Variants in PRAMEF11 observed in about 807,000 individuals in gnomAD.
PRAMEF11 encodes the protein PRAME family member 11.
Under a neutral mutation model 33.6 loss-of-function variants are expected in PRAMEF11, and 17 were observed. That is an observed-to-expected ratio of 0.51 (90% CI 0.35 to 0.76). The LOEUF (loss-of-function observed/expected upper bound fraction) is 0.76, where lower values mean the gene tolerates loss of function less well. Ranked by LOEUF, PRAMEF11 falls within the 30% of genes least tolerant of loss-of-function variation. PRAMEF11 has a pLI of 0.01. For synonymous variants in PRAMEF11, 205 were observed against 227.3 expected, an observed-to-expected ratio of 0.90 and a Z score of 0.88; for missense variants, 568 against 567.0, an observed-to-expected ratio of 1.00 and a Z score of -0.02.
rs1277237702 is a variant in PRAMEF11, at chr1:12,831,405, C to T, written c.-66G>A. The T allele has an allele frequency of 1.3e-5, 2 of 151,008 alleles. 1 individual carries two copies. Among genetic ancestry groups the T allele is most frequent in the Non-Finnish European group, 3.0e-5 (2 of 67,746 alleles). The allele number at this position is 151,008 out of a possible 1,614,324, so 9.4% of individuals were successfully genotyped here. ...TGCTCAGACCTCAGGAAGAACCAAG[C>T]AGGAACTCCAGGCTTGAAGACTTTG... On this transcript the variant is annotated 5_prime_UTR_variant, in exon 1 of 4. Coordinates refer to ENST00000619922, the MANE Select transcript of PRAMEF11 (RefSeq NM_001146344.3).
At position 12,827,388 on chromosome 1, in the gene PRAMEF11, C is replaced by A. The variant is rs1395247598; in HGVS notation, c.736G>T (p.Val246Phe). The change falls in exon 3 of 4, where the codon GTC becomes TTC. Residue 246 changes from valine (V) to phenylalanine (F), a missense_variant. Coordinates refer to ENST00000619922, the MANE Select transcript of PRAMEF11 (RefSeq NM_001146344.3). ...LQKLVLSHMDVSRYVSPEQKK... is the reference protein window; with the variant it reads ...LQKLVLSHMDFSRYVSPEQKK... ...TGCTCTGGGGAAACGTAGCGAGAGACATCCATGTGGGAGAGAACGAGCTTC... is the reference window on the plus strand; with the variant it reads ...TGCTCTGGGGAAACGTAGCGAGAGAAATCCATGTGGGAGAGAACGAGCTTC... The A allele has an allele frequency of 1.0e-5, 16 of 1,604,620 alleles. No individual in the cohort carries two copies. Among genetic ancestry groups the A allele is most frequent in the Non-Finnish European group, 1.3e-5 (15 of 1,178,084 alleles).
intron 2 of PRAMEF11, among the ~76,000 whole-genome samples, 181 bp from the exon 3 acceptor site, chr1:12,828,011 A>C (rs925089571): frequency 7.4e-5 from 11 of 149,482 alleles, no homozygotes; most frequent in African/African-American, 2.0e-4. Context: ...TTTGAGACCA[A>C]GTCTCCTTCT....
chr1:12,828,340 G>A (rs1020324651), intron 2 of PRAMEF11, among the ~76,000 whole-genome samples, 157 bp downstream of exon 2: 3 of 148,738 alleles, frequency 2.0e-5, no homozygotes, highest in African/African-American at 7.5e-5. Context: ...ACCTTGCCTG[G>A]TGAGCAGTGC....
rs556812527 is a variant in PRAMEF11, at chr1:12,830,498, C to A, written c.-17+858G>T. Among the ~76,000 whole-genome samples, 152 of 151,280 alleles carry A rather than the reference C, an allele frequency of 1.0e-3. 7 individuals are homozygous for A. The South Asian group carries it at 0.032, about 31-fold the overall frequency. ...GATGTGATTGGTTTAAAATTAAGGT[C>A]AAAGATCCTTTTTGATTGATTTTGT... is the stretch of plus-strand genomic sequence containing the variant. On this transcript the variant is annotated intron_variant, in intron 1 of 3. Transcript: ENST00000619922.
In PRAMEF11 at chr1:12,825,234, A is replaced by G. The variant is rs766692906; in HGVS notation, c.1145T>C (p.Leu382Pro). Residue 382 changes from leucine to proline, a missense_variant, in exon 4 of 4, where the codon CTC becomes CCC. By Grantham distance (98) the Leu-to-Pro change is moderately conservative (BLOSUM62 -3). Around this residue, in one of 3 missense-constraint regions of PRAMEF11, gnomAD observed 174 missense variants for 127.2 expected, o/e 1.37. Transcript: ENST00000619922. ...ILPALSRCFE[L>P]NTFSFCGNPI... is the part of the protein sequence containing the mutation. ...ATTTCCACAGAAGCTGAAGGTGTTG[A>G]GCTCAAAGCAGCGGCTCAGGGCAGG... The G allele has an allele frequency of 3.7e-6, 6 of 1,606,710 alleles. No individual in the cohort carries two copies. The African/African-American group carries it at 8.1e-5, about 22-fold the overall frequency.
intron 3 of PRAMEF11, among the ~76,000 whole-genome samples, chr1:12,826,916 G>A (rs1195876161): frequency 3.0e-4 from 45 of 148,782 alleles, no homozygotes; most frequent in Middle Eastern, 3.5e-3. Flanking sequence ...ATGAGCCAAC[G>A]CCCCTGGCCT....
Position 12,825,030 on chromosome 1 carries a change from G to A in PRAMEF11, c.1349C>T (p.Pro450Leu), listed in dbSNP as rs2100336236. Residue 450 changes from proline to leucine, a missense_variant, in exon 4 of 4, where the codon CCC becomes CTC. Coordinates refer to ENST00000619922, the MANE Select transcript of PRAMEF11 (RefSeq NM_001146344.3). ...LMKKVRHLRH[P>L]KRILFCTDNC... is the part of the protein sequence containing the mutation. ...GTCAGTACAGAACAAGATCCTCTTG[G>A]GGTGCCTTAAGTGCCTCACTTTCTT... 9 of 1,609,660 alleles carry A rather than the reference G, an allele frequency of 5.6e-6. No homozygotes were observed. Among genetic ancestry groups the A allele is most frequent in the Non-Finnish European group, 7.6e-6 (9 of 1,177,718 alleles).
rs75163972 is a variant in PRAMEF11 at position 12,828,380 on chromosome 1, T to G, written c.293+117A>C. 1,283 of 1,425,484 alleles carry G rather than the reference T, an allele frequency of 9.0e-4. 16 individuals carry two copies. In the African/African-American group the frequency reaches 0.01, roughly 11 times the overall value. 88.3% of individuals were successfully genotyped at this position (1,425,484 alleles called of 1,614,324 possible). A position where few individuals can be genotyped will look rare whatever the true frequency, so the allele number is the denominator to read the frequency against. ...CCTGAGGAGCTGGTGAATGGCCAAGTCCTCTCGGCTTCCTCACCACCACCA... is the reference window on the plus strand; with the variant it reads ...CCTGAGGAGCTGGTGAATGGCCAAGGCCTCTCGGCTTCCTCACCACCACCA... On this transcript the variant is annotated intron_variant, in intron 2 of 3. Coordinates refer to ENST00000619922, the MANE Select transcript of PRAMEF11 (RefSeq NM_001146344.3).
At chr1:12,825,762 T>C (rs537939537) in intron 3 of PRAMEF11, among the ~76,000 whole-genome samples, 2 of 149,758 alleles carry the variant, frequency 1.3e-5, no homozygotes, top group African/African-American at 4.9e-5. Flanking sequence ...TTCCTTGAGA[T>C]CAGGAGTTTG....
In PRAMEF11 at chr1:12,827,459, A is replaced by G. The variant is rs751376449; in HGVS notation, c.665T>C (p.Ile222Thr). ...VEVNCKWILP[I>T]LTQFTPYLGH... ...CAGGTATGGGGTAAACTGTGTCAGG[A>G]TGGGCAGTATCCACTTGCAATTCAC... is the stretch of plus-strand genomic sequence containing the variant. The change falls in exon 3 of 4, where the codon ATC (isoleucine) becomes ACC (threonine). Residue 222 changes from isoleucine (I) to threonine (T), a missense_variant. Ile to Thr is a moderately conservative substitution (Grantham distance 89). Transcript: ENST00000619922. 5.0e-6 allele frequency: 8 copies of G among 1,610,764 alleles called. No homozygotes were observed. In the South Asian group the frequency reaches 8.8e-5, roughly 18 times the overall value.
Position 12,827,823 on chromosome 1 carries a change from T to C in PRAMEF11, c.301A>G (p.Lys101Glu). 1.2e-6 allele frequency: 2 copies of C among 1,607,186 alleles called. No individual in the cohort carries two copies. The highest frequency in any genetic ancestry group is 2.2e-5 in the South Asian group (2 of 90,446). ...LTQGVRPRRW[K>E]LQVLDLQDVC... ...TCCTGTAAATCCAGCACTTGAAGTTTCCATCTCCTGTGGGAAAATAGAGGT... is the reference window on the plus strand; with the variant it reads ...TCCTGTAAATCCAGCACTTGAAGTTCCCATCTCCTGTGGGAAAATAGAGGT... The change falls in exon 3 of 4, where the codon AAA becomes GAA. Residue 101 changes from lysine to glutamate, a missense_variant. By Grantham distance (56) the Lys-to-Glu change is moderately conservative. Coordinates refer to ENST00000619922, the MANE Select transcript of PRAMEF11 (RefSeq NM_001146344.3).
intron 2 of PRAMEF11, 102 bp downstream of exon 2, chr1:12,828,395 C>T (rs1639923779): frequency 2.1e-6 from 3 of 1,426,276 alleles, no homozygotes; most frequent in East Asian, 2.4e-5. Flanking sequence ...TCGGCTTCCT[C>T]ACCACCACCA....
Position 12,829,683 on chromosome 1 carries a change from T to G in PRAMEF11, c.-16-878A>C, listed in dbSNP as rs1639966495. 2.6e-5 allele frequency among the ~76,000 whole-genome samples: 4 copies of G among 151,272 alleles called. No homozygotes were observed. In the Admixed American group the frequency reaches 2.7e-4, roughly 10 times the overall value. The stretch of plus-strand genomic sequence containing the variant: ...TCTTGGCCTCCCAACATAGTGGGAT[T>G]ATAGGTGTGAGCCTCCGCCCCAGCC... On this transcript the variant is annotated intron_variant, in intron 1 of 3. Coordinates refer to ENST00000619922, the MANE Select transcript of PRAMEF11 (RefSeq NM_001146344.3).
chr1:12,830,407 C>T (rs111627587), intron 1 of PRAMEF11, among the ~76,000 whole-genome samples: 3 of 151,372 alleles, frequency 2.0e-5, no homozygotes, highest in Non-Finnish European at 4.4e-5. Flanking sequence ...CATGCTTCAG[C>T]CTTCCACGTA....
At chr1:12,828,391 T>C (rs1240562572) in intron 2 of PRAMEF11, 106 bp downstream of exon 2, 1 of 1,426,608 alleles carries the variant, frequency 7.0e-7, no homozygotes, top group African/African-American at 1.5e-5. Context: ...CCTCTCGGCT[T>C]CCTCACCACC....
Position 12,825,149 on chromosome 1 carries a change from T to C in PRAMEF11, c.1230A>G (p.Leu410=), listed in dbSNP as rs1402373974. Residue 410 remains leucine (L), a synonymous_variant, in exon 4 of 4, where the codon TTA becomes TTG. Transcript: ENST00000619922. ...LLSHTIILKN[L]CLELYPAPQE... ...GCGGGGCAGGATACAGCTCCAGGCA[T>C]AAGTTTTTGAGTATGATTGTGTGGC... 6.2e-7 allele frequency: 1 copy of C among 1,609,068 alleles called. No individual in the cohort carries two copies. The highest frequency in any genetic ancestry group is 1.1e-5 in the South Asian group (1 of 90,444).
In PRAMEF11 at chr1:12,827,394, T is replaced by C. The variant is rs372493779; in HGVS notation, c.730A>G (p.Met244Val). 464 of 1,600,668 alleles carry C rather than the reference T, an allele frequency of 2.9e-4. 56 individuals carry two copies. The highest frequency in any genetic ancestry group is 1.9e-3 in the East Asian group (85 of 44,204). Residue 244 changes from methionine to valine, a missense_variant, in exon 3 of 4, where the codon ATG becomes GTG. Met to Val is a conservative substitution (Grantham distance 21, BLOSUM62 1). Coordinates refer to ENST00000619922, the MANE Select transcript of PRAMEF11 (RefSeq NM_001146344.3). ...GGGGAAACGTAGCGAGAGACATCCA[T>C]GTGGGAGAGAACGAGCTTCTGAAGA... The part of the protein sequence containing the change: ...RNLQKLVLSH[M>V]DVSRYVSPEQ...
rs1304175536 is a variant in PRAMEF11 at position 12,825,108 on chromosome 1, G to C, written c.1271C>G (p.Ala424Gly). The change falls in exon 4 of 4, where the codon GCT (alanine) becomes GGT (glycine). Residue 424 changes from alanine (A) to glycine (G), a missense_variant. Physicochemically the swap from Ala to Gly is moderately conservative, Grantham distance 60. Transcript: ENST00000619922. ...LYPAPQESYG[A>G]DGTLCWSRFA... ...TCTGCTCCAGCAGAGAGTACCATCA[G>C]CACCATAACTTTCCTGCGGGGCAGG... 1.9e-6 allele frequency: 3 copies of C among 1,609,510 alleles called. No homozygotes were observed. Among genetic ancestry groups the C allele is most frequent in the Admixed American group, 1.7e-5 (1 of 59,640 alleles).
Position 12,827,504 on chromosome 1 carries a change from T to G in PRAMEF11, c.620A>C (p.Asp207Ala), listed in dbSNP as rs199735292. The G allele has an allele frequency of 8.3e-3, 13,437 of 1,611,194 alleles. 258 individuals carry two copies. Among genetic ancestry groups the G allele is most frequent in the Non-Finnish European group, 0.01 (11,934 of 1,179,162 alleles). The change falls in exon 3 of 4, where the codon GAC becomes GCC. Residue 207 changes from aspartate to alanine, a missense_variant. By Grantham distance (126) the Asp-to-Ala change is moderately radical. Around this residue, in one of 3 missense-constraint regions of PRAMEF11, gnomAD observed 342 missense variants for 312.0 expected, o/e 1.10. Coordinates refer to ENST00000619922, the MANE Select transcript of PRAMEF11 (RefSeq NM_001146344.3). ...ATTCACTTCCACCTCCTGGATACAG[T>G]CTAGGTTCACCATTTTCAGGATGCT... ...IRSILKMVNL[D>A]CIQEVEVNCK...
Sources: gnomAD v4.1 joint callset for allele counts (sites outside exome capture counted in the v4.1 genomes callset) on GRCh38, gnomAD v4.1.1 for gene constraint, gnomAD v4.1.1 regional missense constraint, MANE v1.5 for transcripts, NCBI Gene and HGNC (gene_info 2026-07-23, HGNC 2026-07-21) for gene names.